SLC12A2: variants seen among roughly 807,000 people sequenced by gnomAD.
SLC12A2 encodes Na-K-2Cl cotransporter 1.
Under a neutral mutation model 136.3 loss-of-function variants are expected in SLC12A2, and 67 were observed. That is an observed-to-expected ratio of 0.49 (90% confidence interval 0.40 to 0.60). SLC12A2 has a LOEUF of 0.60. Among genes scored for constraint, SLC12A2 ranks in the 20% least tolerant of loss-of-function variants. SLC12A2 has a pLI of 0.00. For synonymous variants in SLC12A2, 619 were observed against 562.9 expected, an observed-to-expected ratio of 1.10 and a Z score of -1.41; for missense variants, 1,322 against 1,534.7, an observed-to-expected ratio of 0.86 and a Z score of 2.32.
chr5:128,174,849 G>A (rs1265950904), intron 20 of SLC12A2, among the ~76,000 whole-genome samples, 183 bp downstream of exon 20: 2 of 151,988 alleles, frequency 1.3e-5, no homozygotes, highest in African/African-American at 4.8e-5. Flanking sequence ...GCTGTGTAAG[G>A]TATTAGAGTA....
rs1364344493 is a variant in SLC12A2 at position 128,105,327 on chromosome 5, G to A, written c.757-7487G>A. Among the ~76,000 whole-genome samples the A allele has an allele frequency of 1.3e-5, 2 of 152,114 alleles. 1 individual carries two copies. The highest frequency in any genetic ancestry group is 4.8e-5 in the African/African-American group (2 of 41,418). ...CTGGTACGATAACCATGGAAAATAC[G>A]GGATGAGCAAGGGAGGGGGGTATAG... On this transcript the variant is annotated intron_variant, in intron 1 of 26. Coordinates refer to ENST00000262461, the MANE Select transcript of SLC12A2 (RefSeq NM_001046.3).
chr5:128,158,821 G>T (rs1347443687), intron 16 of SLC12A2, among the ~76,000 whole-genome samples: 1 of 150,822 alleles, frequency 6.6e-6, no homozygotes, highest in Admixed American at 6.6e-5. Context: ...CCCACCAGCA[G>T]TGTATAAGTG....
rs558499193 is a variant in SLC12A2 at position 128,101,694 on chromosome 5, T to C, written c.757-11120T>C. Among the ~76,000 whole-genome samples, 4 of 152,314 alleles carry C rather than the reference T, an allele frequency of 2.6e-5. No individual in the cohort carries two copies. In the South Asian group the frequency reaches 6.2e-4, roughly 24 times the overall value. On this transcript the variant is annotated intron_variant, in intron 1 of 26. Transcript: ENST00000262461. ...TGTTCTCAGACTAGGCAATCTCATA[T>C]TAACCCTAGGCGTTCCTTTTGTAAA...
At chr5:128,099,875 C>T (rs1002447020) in intron 1 of SLC12A2, among the ~76,000 whole-genome samples, 7 of 152,136 alleles carry the variant, frequency 4.6e-5, no homozygotes, top group African/African-American at 1.7e-4. Context: ...TACATTCCTT[C>T]TTCTGGAATA....
intron 1 of SLC12A2, chr5:128,110,382 G>C: frequency 9.9e-7 from 1 of 1,005,282 alleles, no homozygotes. Flanking sequence ...TCCTCCCTGG[G>C]AAAGCAAAAA....
Position 128,186,831 on chromosome 5 carries a change from A to G in SLC12A2, c.*200A>G, listed in dbSNP as rs1206276371. On this transcript the variant is annotated 3_prime_UTR_variant, in exon 27 of 27. Coordinates refer to ENST00000262461, the MANE Select transcript of SLC12A2 (RefSeq NM_001046.3). ...CGGTTTTAGTCAATTCCATATCTCA[A>G]TCTTAATGGTGATTCTTCTCTGTTG... The G allele has an allele frequency of 1.8e-5, 8 of 444,286 alleles. No individual in the cohort carries two copies. Among genetic ancestry groups the G allele is most frequent in the East Asian group, 6.6e-5 (2 of 30,346 alleles). 27.5% of individuals were successfully genotyped at this position (444,286 alleles called of 1,614,324 possible).
chr5:128,139,373 TAAGTTTTACTTAGGAA>T (rs1337200653), intron 9 of SLC12A2, among the ~76,000 whole-genome samples: 2 of 152,182 alleles, frequency 1.3e-5, no homozygotes, highest in East Asian at 1.9e-4. Context: ...TAGGACATAC[TAAGTTTTACTTAGGAA>T]AAGTTTTACT....
intron 4 of SLC12A2, among the ~76,000 whole-genome samples, chr5:128,127,249 G>A (rs1364064441): frequency 6.0e-5 from 9 of 148,900 alleles, no homozygotes; most frequent in Non-Finnish European, 1.2e-4. Context: ...AGCCTCCCGA[G>A]TAGCCGGGAC....
rs554821539 is a variant in SLC12A2 at position 128,135,748 on chromosome 5, G to T, written c.1348G>T (p.Val450Phe). ...VILLLAIGDF[V>F]IGTFIPLESK... The stretch of plus-strand genomic sequence containing the variant: ...CCTACTTCTTGCTATTGGTGATTTC[G>T]TCATAGGAACATTTATCCCACTGGA... The change falls in exon 7 of 27, where the codon GTC (valine) becomes TTC (phenylalanine). Residue 450 changes from valine (V) to phenylalanine (F), a missense_variant. By Grantham distance (50) the Val-to-Phe change is conservative (BLOSUM62 -1). Coordinates refer to ENST00000262461, the MANE Select transcript of SLC12A2 (RefSeq NM_001046.3). 1.8e-5 allele frequency: 29 copies of T among 1,612,492 alleles called. No individual in the cohort carries two copies. The highest frequency in any genetic ancestry group is 2.5e-5 in the Non-Finnish European group (29 of 1,178,982).
At chr5:128,085,333 A>G (rs891692326) in intron 1 of SLC12A2, among the ~76,000 whole-genome samples, 1 of 151,416 alleles carries the variant, frequency 6.6e-6, no homozygotes, top group African/African-American at 2.4e-5. Flanking sequence ...ACGTTTTGGG[A>G]GAGGTGTATA....
intron 4 of SLC12A2, among the ~76,000 whole-genome samples, chr5:128,117,376 CA>C (rs778189908): frequency 1.3e-5 from 2 of 151,864 alleles, no homozygotes; most frequent in Non-Finnish European, 2.9e-5. Flanking sequence ...TGAAACAAAC[CA>C]AAAAATCTCA....
intron 1 of SLC12A2, among the ~76,000 whole-genome samples, chr5:128,090,028 T>C (rs1561650036): frequency 2.6e-5 from 4 of 152,210 alleles, no homozygotes; most frequent in Admixed American, 1.3e-4. Flanking sequence ...ATTTGGCTGA[T>C]TTCACAGTTT....
intron 1 of SLC12A2, among the ~76,000 whole-genome samples, chr5:128,105,635 T>TTAAA (rs1255230152): frequency 1.3e-5 from 2 of 152,110 alleles, no homozygotes; most frequent in Admixed American, 6.5e-5. Flanking sequence ...TTAACTCTGG[T>TTAAA]TAAAGGAGAG....
At position 128,177,145 on chromosome 5, in the gene SLC12A2, GA is replaced by G; in HGVS notation, c.2976del (p.Glu993AsnfsTer9). Reference sequence around the variant, plus strand: ...GCAAGACTGCAACTCAACCACTGTTGAAAAAAGGCAGGCATTTTTCATCATT... The same window carrying G: ...GCAAGACTGCAACTCAACCACTGTTGAAAAAGGCAGGCATTTTTCATCATT... Reference protein sequence around the residue: ...DGKTATQPLLKKESKGPIVPL... With the variant: ...DGKTATQPLLXKESKGPIVPL... On this transcript the variant is annotated frameshift_variant, in exon 21 of 27. Transcript: ENST00000262461. LOFTEE classifies it high-confidence loss of function. 1 of 1,591,736 alleles carries G rather than the reference GA, an allele frequency of 6.3e-7. No individual in the cohort carries two copies. Among genetic ancestry groups the G allele is most frequent in the Admixed American group, 1.8e-5 (1 of 55,520 alleles).
rs1289257021 is a variant in SLC12A2 at position 128,083,832 on chromosome 5, C to CGGCGG, written c.-120_-116dup. On this transcript the variant is annotated 5_prime_UTR_variant, in exon 1 of 27. Coordinates refer to ENST00000262461, the MANE Select transcript of SLC12A2 (RefSeq NM_001046.3). ...GTCCAGGCTAGCGGCGGCCCGCAGG[C>CGGCGG]GGCGGGGAGAAAGACTCTCTCACCT... The CGGCGG allele has an allele frequency of 1.4e-6, 1 of 739,928 alleles. No homozygotes were observed. The highest frequency in any genetic ancestry group is 4.5e-5 in the Admixed American group (1 of 22,196). The allele number at this position is 739,928 out of a possible 1,614,324, so 45.8% of individuals were successfully genotyped here.
chr5:128,120,835 T>C (rs1487181813), intron 4 of SLC12A2, among the ~76,000 whole-genome samples: 1 of 152,058 alleles, frequency 6.6e-6, no homozygotes, highest in East Asian at 1.9e-4. Flanking sequence ...ATTGTGCACA[T>C]GTACCCTAAA....
At chr5:128,182,084 A>G (rs1430159670) in intron 23 of SLC12A2, among the ~76,000 whole-genome samples, 1 of 152,122 alleles carries the variant, frequency 6.6e-6, no homozygotes, top group Non-Finnish European at 1.5e-5. Context: ...TAGCCACTTA[A>G]TTGATAGATC....
chr5:128,102,563 CTG>C (rs1464249943), intron 1 of SLC12A2, among the ~76,000 whole-genome samples: 1 of 89,474 alleles, frequency 1.1e-5, no homozygotes, highest in Non-Finnish European at 2.3e-5. Context: ...CTCATTTATA[CTG>C]TGTCTTTCTG....
At chr5:128,110,603 C>A in intron 1 of SLC12A2, 1 of 1,067,092 alleles carries the variant, frequency 9.4e-7, no homozygotes, top group Non-Finnish European at 1.5e-6. Context: ...GGCATCGTAG[C>A]AGCTTATCAC....
Sources: gnomAD v4.1 joint callset for allele counts (sites outside exome capture counted in the v4.1 genomes callset) on GRCh38, gnomAD v4.1.1 for gene constraint, MANE v1.5 for transcripts, NCBI Gene and HGNC (gene_info 2026-07-23, HGNC 2026-07-21) for gene names.